LINGO1: variants seen among roughly 807,000 people sequenced by gnomAD.
LINGO1 encodes leucine-rich repeat and immunoglobulin-like domain-containing nogo receptor-interacting protein 1.
In LINGO1, 11 loss-of-function variants were observed where a neutral mutation model predicts 37.3. The observed-to-expected ratio is 0.29, with a 90% confidence interval of 0.19 to 0.49. The LOEUF (loss-of-function observed/expected upper bound fraction) is 0.49, where lower values mean the gene tolerates loss of function less well. Among genes scored for constraint, LINGO1 ranks in the 20% least tolerant of loss-of-function variants. The pLI, the probability that LINGO1 is intolerant of heterozygous loss-of-function variation, is 0.99. For missense variants in LINGO1, 585 were observed against 878.2 expected (o/e 0.67, Z 4.22); for synonymous variants, 387 against 403.0 (o/e 0.96, Z 0.48).
intron 1 of LINGO1, among the ~76,000 whole-genome samples, chr15:77,811,587 A>G (rs908112866): frequency 1.3e-5 from 2 of 152,200 alleles, no homozygotes; most frequent in East Asian, 1.9e-4. Flanking sequence ...CCGGGGCCTC[A>G]GGGCCTTTGC....
At chr15:77,750,423 C>T (rs187562336) in intron 1 of LINGO1, among the ~76,000 whole-genome samples, 22 of 152,360 alleles carry the variant, frequency 1.4e-4, no homozygotes, top group African/African-American at 4.8e-4. Flanking sequence ...GCCGCCCACA[C>T]GCGTGCACAC....
upstream of LINGO1, chr15:77,820,645 C>G (rs2077089202): frequency 1.3e-5 from 2 of 152,624 alleles, no homozygotes; most frequent in South Asian, 4.1e-4. Context: ...CGACCCCTCT[C>G]TGCACCTCAG....
At chr15:77,744,999 T>A (rs1441208789) in intron 1 of LINGO1, among the ~76,000 whole-genome samples, 1 of 151,052 alleles carries the variant, frequency 6.6e-6, no homozygotes, top group African/African-American at 2.4e-5. Flanking sequence ...ACACTTGTAA[T>A]CCCAGCTACT....
intron 1 of LINGO1, among the ~76,000 whole-genome samples, chr15:77,746,546 T>C (rs914473681): frequency 1.3e-5 from 2 of 151,712 alleles, no homozygotes; most frequent in African/African-American, 4.8e-5. Context: ...ACCTAAGGGG[T>C]AGAATTGCCC....
intron 2 of LINGO1, among the ~76,000 whole-genome samples, chr15:77,732,618 G>C (rs1022202720): frequency 2.0e-5 from 3 of 152,242 alleles, no homozygotes; most frequent in Admixed American, 6.5e-5. Context: ...CACATGTGCA[G>C]TCCCGTCAGA....
At chr15:77,639,803 T>C (rs2074464924) in intron 3 of LINGO1, among the ~76,000 whole-genome samples, 1 of 152,120 alleles carries the variant, frequency 6.6e-6, no homozygotes, top group African/African-American at 2.4e-5. Flanking sequence ...AGGAAAAGTA[T>C]TAAAACACGC....
chr15:77,700,493 T>C (rs1220844944), upstream of LINGO1, among the ~76,000 whole-genome samples: 1 of 152,150 alleles, frequency 6.6e-6, no homozygotes, highest in Non-Finnish European at 1.5e-5. Flanking sequence ...TGCCAGGCTC[T>C]GTGTGAGTAC....
chr15:77,743,289 C>T (rs1485054923), intron 1 of LINGO1, among the ~76,000 whole-genome samples: 7 of 152,170 alleles, frequency 4.6e-5, no homozygotes, highest in Non-Finnish European at 2.9e-5. Flanking sequence ...CACAAGCACC[C>T]AGCGTTCTCC....
chr15:77,757,037 C>T (rs574052952), intron 1 of LINGO1, among the ~76,000 whole-genome samples: 1 of 152,290 alleles, frequency 6.6e-6, no homozygotes, highest in South Asian at 2.1e-4. Context: ...GGAAATGAAG[C>T]CCAAGCCTGG....
At chr15:77,760,984 T>C (rs2076471480) in intron 1 of LINGO1, among the ~76,000 whole-genome samples, 1 of 142,008 alleles carries the variant, frequency 7.0e-6, no homozygotes. Context: ...TGGAGTGCAG[T>C]GGCATGACCT....
intron 2 of LINGO1, among the ~76,000 whole-genome samples, chr15:77,704,530 C>T (rs1393497232): frequency 1.3e-5 from 2 of 151,274 alleles, no homozygotes; most frequent in Non-Finnish European, 2.9e-5. Context: ...CGCTGAGCCC[C>T]AACCCTGGCC....
intron 3 of LINGO1, chr15:77,646,385 C>T (rs1405829763): frequency 6.7e-6 from 3 of 448,488 alleles, no homozygotes; most frequent in Non-Finnish European, 1.3e-5. Flanking sequence ...CTTGTCCCCA[C>T]AGGACACCCC....
intron 2 of LINGO1, among the ~76,000 whole-genome samples, chr15:77,726,025 C>T (rs1012673314): frequency 1.3e-5 from 2 of 152,212 alleles, no homozygotes; most frequent in African/African-American, 4.8e-5. Context: ...GCCAGCTGAG[C>T]ACCCATGGTG....
chr15:77,625,267 G>A (rs542377709), intron 1 of LINGO1, among the ~76,000 whole-genome samples: 12 of 152,320 alleles, frequency 7.9e-5, no homozygotes, highest in Admixed American at 7.2e-4. Context: ...ATAGAATGAC[G>A]ATGAGAATGA....
chr15:77,777,490 C>CAA (rs1275576206), intron 1 of LINGO1, among the ~76,000 whole-genome samples: 22 of 132,294 alleles, frequency 1.7e-4, no homozygotes, highest in South Asian at 1.0e-3. Context: ...CACACACACA[C>CAA]ACACACACAC....
intron 1 of LINGO1, among the ~76,000 whole-genome samples, chr15:77,627,470 A>G (rs533392891): frequency 1.3e-5 from 2 of 152,292 alleles, no homozygotes; most frequent in Non-Finnish European, 2.9e-5. Flanking sequence ...CATTCGATCC[A>G]TGAGCAAGAG....
chr15:77,696,102 G>A (rs757500779), intron 1 of LINGO1: 1 of 152,100 alleles, frequency 6.6e-6, no homozygotes, highest in Non-Finnish European at 1.5e-5. Flanking sequence ...ATGATCTGTC[G>A]GCTTCTATTA....
At chr15:77,659,120 G>A (rs1450247181) in intron 3 of LINGO1, among the ~76,000 whole-genome samples, 2 of 152,200 alleles carry the variant, frequency 1.3e-5, no homozygotes, top group East Asian at 1.9e-4. Context: ...AGGGAGCTGG[G>A]ACTTCAGCCG....
intron 3 of LINGO1, among the ~76,000 whole-genome samples, chr15:77,673,458 G>A (rs2075283305): frequency 6.6e-6 from 1 of 152,202 alleles, no homozygotes; most frequent in South Asian, 2.1e-4. Flanking sequence ...CGTTACCGAG[G>A]CAGTGACCAG....
Sources: allele counts gnomAD v4.1 joint callset (sites outside exome capture counted in the v4.1 genomes callset), GRCh38; gene constraint gnomAD v4.1.1; transcripts MANE v1.5; gene names NCBI Gene and HGNC (gene_info 2026-07-23, HGNC 2026-07-21).